THRAP3: variants seen among roughly 807,000 people sequenced by gnomAD.
THRAP3 encodes the protein thyroid hormone receptor-associated protein 3.
In THRAP3, 16 loss-of-function variants were observed where a neutral mutation model predicts 101.0. The ratio of observed to expected loss-of-function variants is 0.16; its 90% CI spans 0.11 to 0.24. The LOEUF (loss-of-function observed/expected upper bound fraction) is 0.24, where lower values mean the gene tolerates loss of function less well. Ranked by LOEUF, THRAP3 falls within the 10% of genes least tolerant of loss-of-function variation. The pLI is 1.00. For missense variants in THRAP3, 989 were observed against 1,202.7 expected (o/e 0.82, Z 2.63); for synonymous variants, 407 against 422.6 (o/e 0.96, Z 0.45).
intron 3 of THRAP3, among the ~76,000 whole-genome samples, chr1:36,283,944 C>T (rs1009736732): frequency 6.6e-6 from 1 of 152,080 alleles, no homozygotes; most frequent in African/African-American, 2.4e-5. Flanking sequence ...AATTTATTTA[C>T]CTCAGGAAAT....
chr1:36,298,291 G>A (rs1216274474), intron 9 of THRAP3, among the ~76,000 whole-genome samples: 2 of 152,012 alleles, frequency 1.3e-5, no homozygotes, highest in African/African-American at 2.4e-5. Context: ...AAGAACCTGC[G>A]AATCCTCAGC....
At position 36,282,623 on chromosome 1, in the gene THRAP3, A is replaced by C. The variant is rs748399626; in HGVS notation, c.60A>C (p.Ser20=). ...GSRSSRSRSA[S]RSRSRSFSKS... ...GCTCTTCTCGCTCAAGATCTGCATC[A>C]AGATCTCGTTCTCGTTCATTTTCGA... Residue 20 remains serine (S), a synonymous_variant, in exon 3 of 12, where the codon TCA becomes TCC. Transcript: ENST00000354618. 2.8e-5 allele frequency: 45 copies of C among 1,613,946 alleles called. No homozygotes were observed. Among genetic ancestry groups the C allele is most frequent in the Non-Finnish European group, 3.5e-5 (41 of 1,179,944 alleles).
chr1:36,250,688 G>A (rs998400994), intron 1 of THRAP3, among the ~76,000 whole-genome samples: 4 of 150,798 alleles, frequency 2.7e-5, no homozygotes, highest in Admixed American at 2.6e-4. Flanking sequence ...GAAGCGGGCG[G>A]ATCACTTGAG....
At chr1:36,228,901 A>T (rs557232876) in intron 1 of THRAP3, among the ~76,000 whole-genome samples, 2 of 152,146 alleles carry the variant, frequency 1.3e-5, no homozygotes, top group South Asian at 4.2e-4. Context: ...TTGGGAGGCT[A>T]AGGTGGGAGG....
chr1:36,287,646 C>T, intron 4 of THRAP3: 1 of 985,384 alleles, frequency 1.0e-6, no homozygotes, highest in Non-Finnish European at 1.2e-6. Flanking sequence ...CCTCTAGCAC[C>T]CACCATCTAC....
chr1:36,278,409 A>G (rs1645689233), intron 2 of THRAP3, among the ~76,000 whole-genome samples: 1 of 152,124 alleles, frequency 6.6e-6, no homozygotes, highest in Non-Finnish European at 1.5e-5. Flanking sequence ...ATTTTTTTAA[A>G]CACAATTGTG....
At chr1:36,245,218 G>A (rs1645216831) in intron 1 of THRAP3, among the ~76,000 whole-genome samples, 1 of 149,776 alleles carries the variant, frequency 6.7e-6, no homozygotes, top group African/African-American at 2.5e-5. Context: ...CCGGTCTGGA[G>A]TGCACTGGCA....
Position 36,257,949 on chromosome 1 carries a change from T to C in THRAP3, c.-134-1433T>C, listed in dbSNP as rs991843751. Among the ~76,000 whole-genome samples, 3 of 152,204 alleles carry C rather than the reference T, an allele frequency of 2.0e-5. No individual in the cohort carries two copies. The East Asian group carries it at 5.8e-4, about 29-fold the overall frequency. On this transcript the variant is annotated intron_variant, in intron 1 of 11. Transcript: ENST00000354618. ...TCTGCTTCCCGAGTTCAAGGGATTCTCCTGCCTCAGCCTCCCGAATAGCTG... is the reference window on the plus strand; with the variant it reads ...TCTGCTTCCCGAGTTCAAGGGATTCCCCTGCCTCAGCCTCCCGAATAGCTG...
At chr1:36,296,429 C>T (rs1338456952) in intron 8 of THRAP3, among the ~76,000 whole-genome samples, 154 bp from the exon 9 acceptor site, 1 of 152,206 alleles carries the variant, frequency 6.6e-6, no homozygotes, top group Non-Finnish European at 1.5e-5. Context: ...TTCTGTGGGA[C>T]ATCCTGCATC....
At chr1:36,253,781 G>GTTTTTTTTTTT (rs1353553825) in intron 1 of THRAP3, among the ~76,000 whole-genome samples, 23 of 35,132 alleles carry the variant, frequency 6.5e-4, no homozygotes, top group African/African-American at 1.0e-3. Flanking sequence ...TTTTTTTTTA[G>GTTTTTTTTTTT]TTTTTGTAGA....
intron 1 of THRAP3, among the ~76,000 whole-genome samples, chr1:36,229,412 G>GTTTTGTTTT (rs1645000353): frequency 1.2e-5 from 1 of 80,958 alleles, no homozygotes; most frequent in Non-Finnish European, 3.2e-5. Context: ...TTTTTTTTTT[G>GTTTTGTTTT]TTTTTTTTTT....
upstream of THRAP3, among the ~76,000 whole-genome samples, chr1:36,222,907 T>A (rs1236898952): frequency 6.6e-6 from 1 of 152,026 alleles, no homozygotes; most frequent in East Asian, 1.9e-4. Context: ...GGCAGGTGGA[T>A]CACTTGAGGT....
At chr1:36,302,564 A>G (rs533530863) in intron 11 of THRAP3, among the ~76,000 whole-genome samples, 2 of 152,180 alleles carry the variant, frequency 1.3e-5, no homozygotes, top group African/African-American at 2.4e-5. Flanking sequence ...CCTTGCTCCT[A>G]TCTGCCACCT....
At chr1:36,255,492 G>A (rs1486287827) in intron 1 of THRAP3, among the ~76,000 whole-genome samples, 1 of 151,986 alleles carries the variant, frequency 6.6e-6, no homozygotes, top group Non-Finnish European at 1.5e-5. Flanking sequence ...TGCCAGGCCA[G>A]GCGCGGTGGC....
the THRAP3 span, among the ~76,000 whole-genome samples, chr1:36,213,643 C>T: frequency 6.6e-6 from 1 of 151,488 alleles, no homozygotes; most frequent in Non-Finnish European, 1.5e-5. Flanking sequence ...GTCAGGAGTT[C>T]GAGACCAGTC....
At chr1:36,266,763 G>A (rs1175329074) in intron 2 of THRAP3, among the ~76,000 whole-genome samples, 6 of 152,202 alleles carry the variant, frequency 3.9e-5, no homozygotes, top group Admixed American at 3.9e-4. Flanking sequence ...TACAGTCAGA[G>A]AAGGTAGGTG....
At chr1:36,261,779 A>G (rs1645449231) in intron 2 of THRAP3, among the ~76,000 whole-genome samples, 1 of 152,182 alleles carries the variant, frequency 6.6e-6, no homozygotes, top group South Asian at 2.1e-4. Flanking sequence ...AACTTAGATG[A>G]TTAGTATGAT....
the THRAP3 span, among the ~76,000 whole-genome samples, chr1:36,210,702 AGTATATATATATATATAT>A: frequency 5.9e-4 from 3 of 5,102 alleles, 1 homozygote; most frequent in Admixed American, 0.016. Context: ...AAAAAAAAAA[AGTATATATATATATATAT>A]ATATATATAT....
rs748661109 is a variant in THRAP3, at chr1:36,287,126, A to G, written c.896A>G (p.Gln299Arg). Residue 299 changes from glutamine (Q) to arginine (R), a missense_variant, in exon 4 of 12, where the codon CAA becomes CGA. Transcript: ENST00000354618. ...GCCGGGTATCAGTCTGGGACACACC[A>G]AGGTCAGTTCGACCATGGTTCTGGG... is the stretch of plus-strand genomic sequence containing the variant. ...SGAGYQSGTHQGQFDHGSGSL... is the reference protein window; with the variant it reads ...SGAGYQSGTHRGQFDHGSGSL... 4 of 1,614,158 alleles carry G rather than the reference A, an allele frequency of 2.5e-6. No homozygotes were observed. The Admixed American group carries it at 5.0e-5, about 20-fold the overall frequency.
Sources: allele counts gnomAD v4.1 joint callset (sites outside exome capture counted in the v4.1 genomes callset), GRCh38; gene constraint gnomAD v4.1.1; transcripts MANE v1.5; gene names NCBI Gene and HGNC (gene_info 2026-07-23, HGNC 2026-07-21).